The following TDRKH variants were observed in gnomAD, a reference collection of about 807,000 sequenced individuals.
TDRKH encodes the protein tudor and KH domain containing, also known as tudor and KH domain-containing protein.
TDRKH carries 28 observed loss-of-function variants against 61.3 expected under a neutral mutation model. The observed-to-expected ratio is 0.46, with a 90% confidence interval of 0.34 to 0.63. TDRKH has a LOEUF of 0.63. Ranked by LOEUF, TDRKH falls within the 20% of genes least tolerant of loss-of-function variation. The pLI is 0.01. For missense variants in TDRKH, 540 were observed against 683.4 expected, an observed-to-expected ratio of 0.79 and a Z score of 2.34; for synonymous variants, 219 against 244.4, an observed-to-expected ratio of 0.90 and a Z score of 0.97.
chr1:151,770,235 C>T, downstream of TDRKH: 1 of 1,613,760 alleles, frequency 6.2e-7, no homozygotes, highest in South Asian at 1.1e-5. Context: ...TTGTGAACTT[C>T]CAGAATGATC....
Position 151,776,552 on chromosome 1 carries a change from A to G in TDRKH, c.931T>C (p.Tyr311His). 3 of 1,614,176 alleles carry G rather than the reference A, an allele frequency of 1.9e-6. No individual in the cohort carries two copies. The highest frequency in any genetic ancestry group is 2.5e-6 in the Non-Finnish European group (3 of 1,180,020). ...SFHADEYLEVYVSASEHPNHF... is the reference protein window; with the variant it reads ...SFHADEYLEVHVSASEHPNHF... Reference sequence around the variant, plus strand: ...TTAGGGTGCTCAGAAGCAGAAACGTAGACTTCTAGGTACTCATCAGCATGA... The same window carrying G: ...TTAGGGTGCTCAGAAGCAGAAACGTGGACTTCTAGGTACTCATCAGCATGA... The change falls in exon 7 of 13, where the codon TAC becomes CAC. Residue 311 changes from tyrosine (Y) to histidine (H), a missense_variant. By Grantham distance (83) the Tyr-to-His change is moderately conservative. Around this residue, in one of 3 missense-constraint regions of TDRKH, gnomAD observed 379 missense variants for 443.8 expected, o/e 0.85. Transcript: ENST00000368824.
At chr1:151,788,986 G>A (rs1650620773) in intron 1 of TDRKH, among the ~76,000 whole-genome samples, 1 of 152,158 alleles carries the variant, frequency 6.6e-6, no homozygotes, top group Non-Finnish European at 1.5e-5. Context: ...CGTGGCTGCA[G>A]GAGACCAATC....
In TDRKH at chr1:151,790,418, A is replaced by AGCCGT. The variant is rs1650811732; in HGVS notation, c.-71_-67dup. 6.5e-6 allele frequency: 1 copy of AGCCGT among 153,244 alleles called. No homozygotes were observed. Among genetic ancestry groups the AGCCGT allele is most frequent in the Non-Finnish European group, 1.5e-5 (1 of 68,866 alleles). The allele number at this position is 153,244 out of a possible 1,614,324, so 9.5% of individuals were successfully genotyped here. A position where few individuals can be genotyped will look rare whatever the true frequency, so the allele number is the denominator to read the frequency against. On this transcript the variant is annotated 5_prime_UTR_variant, in exon 1 of 13. Transcript: ENST00000368824. The stretch of plus-strand genomic sequence containing the variant: ...CCTCGCCTTTACCGCTGCTCCAGTC[A>AGCCGT]GCCGTCGAGTGCGCCGCCTCGCGCC...
intron 1 of TDRKH, among the ~76,000 whole-genome samples, chr1:151,788,987 G>C (rs751451832): frequency 6.6e-6 from 1 of 152,176 alleles, no homozygotes; most frequent in African/African-American, 2.4e-5. Flanking sequence ...GTGGCTGCAG[G>C]AGACCAATCA....
intron 2 of TDRKH, chr1:151,782,122 A>C (rs1572003121): frequency 2.5e-6 from 1 of 392,610 alleles, no homozygotes; most frequent in East Asian, 7.4e-5. Flanking sequence ...ATGGAGTTAT[A>C]AAATGAGTTC....
At chr1:151,767,488 TG>T (rs1648406253), downstream of TDRKH, 1 of 1,228,484 alleles carries the variant, frequency 8.1e-7, no homozygotes, top group East Asian at 2.8e-5. Context: ...GTCATACAGA[TG>T]GTAGTGAAAA....
At chr1:151,770,949 A>T (rs1463633871), downstream of TDRKH, 2 of 1,334,298 alleles carry the variant, frequency 1.5e-6, no homozygotes, top group Non-Finnish European at 2.0e-6. Flanking sequence ...GTTGGACTAA[A>T]GCACATCCTA....
rs1297530278 is a variant in TDRKH, at chr1:151,783,060, C to G, written c.-27-11G>C. On this transcript the variant is annotated splice_polypyrimidine_tract_variant and intron_variant, in intron 1 of 12. Transcript: ENST00000368824. The stretch of plus-strand genomic sequence containing the variant: ...TCTTTGACTTATATCCTGAAACAAG[C>G]AAAGCAGGGAAAAGAGGGAGGTTTC... The G allele has an allele frequency of 6.2e-7, 1 of 1,601,726 alleles. No homozygotes were observed. Among genetic ancestry groups the G allele is most frequent in the Admixed American group, 1.7e-5 (1 of 58,266 alleles).
At chr1:151,781,423 A>G (rs1558146237) in intron 3 of TDRKH, 58 bp downstream of exon 3, 1 of 1,492,910 alleles carries the variant, frequency 6.7e-7, no homozygotes, top group African/African-American at 1.4e-5. Flanking sequence ...GAAGGAAACA[A>G]GAAATCAATA....
chr1:151,768,229 G>T, downstream of TDRKH: 5 of 1,610,392 alleles, frequency 3.1e-6, no homozygotes, highest in Non-Finnish European at 4.2e-6. Flanking sequence ...AGGCAACCGG[G>T]AAAGGTGACT....
chr1:151,767,404 G>GA (rs1648403967), downstream of TDRKH: 3 of 1,517,156 alleles, frequency 2.0e-6, no homozygotes, highest in Non-Finnish European at 2.6e-6. Context: ...GAGGTAGATG[G>GA]AATCTTGGAA....
intron 8 of TDRKH, 70 bp from the exon 9 acceptor site, chr1:151,775,954 A>G: frequency 5.0e-6 from 8 of 1,586,560 alleles, no homozygotes; most frequent in Non-Finnish European, 6.9e-6. Context: ...GCTTTCAGAA[A>G]GAACCAACTA....
intron 1 of TDRKH, chr1:151,783,612 G>A (rs1358450281): frequency 2.0e-5 from 3 of 152,258 alleles, no homozygotes; most frequent in African/African-American, 4.8e-5. Context: ...CATGCATGGA[G>A]CCTTATCTCA....
At chr1:151,770,245 C>CG (rs777048521), downstream of TDRKH, 1 of 1,613,472 alleles carries the variant, frequency 6.2e-7, no homozygotes, top group Non-Finnish European at 8.5e-7. Context: ...CCAGAATGAT[C>CG]GGAACGACAG....
Position 151,781,560 on chromosome 1 carries a change from T to A in TDRKH, c.152A>T (p.Asp51Val). 6.2e-7 allele frequency: 1 copy of A among 1,613,624 alleles called. No individual in the cohort carries two copies. Among genetic ancestry groups the A allele is most frequent in the Non-Finnish European group, 8.5e-7 (1 of 1,179,812 alleles). ...REERLTFVGE[D>V]DIEIEMRVPQ... ...AACCCGCATCTCTATCTCAATGTCA[T>A]CTTCCCCAACAAATGTCAGCCGCTC... is the stretch of plus-strand genomic sequence containing the variant. The change falls in exon 3 of 13, where the codon GAT becomes GTT. Residue 51 changes from aspartate (D) to valine (V), a missense_variant. Asp to Val is a radical substitution (Grantham distance 152). This residue lies in a region of TDRKH where 156 missense variants were observed against 218.0 expected (regional missense o/e 0.72). Transcript: ENST00000368824.
intron 4 of TDRKH, 82 bp from the exon 5 acceptor site, chr1:151,779,324 T>C (rs949863616): frequency 1.0e-4 from 158 of 1,512,766 alleles, no homozygotes; most frequent in Non-Finnish European, 1.4e-4. Flanking sequence ...TTGTATATAC[T>C]AGGAGAAGAG....
chr1:151,774,841 T>C (rs377352419), intron 11 of TDRKH, 35 bp from the exon 12 acceptor site: 49 of 1,609,194 alleles, frequency 3.0e-5, no homozygotes, highest in Middle Eastern at 1.7e-4. Flanking sequence ...AGGAGGAACA[T>C]GTTGGCTTTT....
At position 151,774,579 on chromosome 1, in the gene TDRKH, G is replaced by T; in HGVS notation, c.1634-75C>A. 3.8e-6 allele frequency: 6 copies of T among 1,591,248 alleles called. No individual in the cohort carries two copies. The South Asian group carries it at 5.6e-5, about 15-fold the overall frequency. Reference sequence around the variant, plus strand: ...CAGGCAATGCCAGCGAGGCTCAAAAGAAAAATGGACCTCTTGGTACTCAAT... The same window carrying T: ...CAGGCAATGCCAGCGAGGCTCAAAATAAAAATGGACCTCTTGGTACTCAAT... On this transcript the variant is annotated intron_variant, in intron 12 of 12. Transcript: ENST00000368824.
Position 151,774,076 on chromosome 1 carries a change from T to C in TDRKH, c.*376A>G, listed in dbSNP as rs1470731141. The C allele has an allele frequency of 4.7e-6, 1 of 214,000 alleles. No individual in the cohort carries two copies. The allele number at this position is 214,000 out of a possible 1,614,324, so 13.3% of individuals were successfully genotyped here. On this transcript the variant is annotated 3_prime_UTR_variant, in exon 13 of 13. Coordinates refer to ENST00000368824, the MANE Select transcript of TDRKH (RefSeq NM_001083965.2). ...AGGTGGAATGGGGGAGACACACTTGTAGCGTGGTAGTCCAATTTTTTTGTA... is the reference window on the plus strand; with the variant it reads ...AGGTGGAATGGGGGAGACACACTTGCAGCGTGGTAGTCCAATTTTTTTGTA...
Sources: allele counts gnomAD v4.1 joint callset (sites outside exome capture counted in the v4.1 genomes callset), GRCh38; gene constraint gnomAD v4.1.1; regional missense constraint gnomAD v4.1.1; transcripts MANE v1.5; gene names NCBI Gene and HGNC (gene_info 2026-07-23, HGNC 2026-07-21).